The following ITSN1 variants were observed in gnomAD, a reference collection of about 807,000 sequenced individuals.
ITSN1 encodes intersectin 1.
ITSN1 carries 58 observed loss-of-function variants against 239.8 expected under a neutral mutation model. That is an observed-to-expected ratio of 0.24 (90% CI 0.20 to 0.30). ITSN1 has a LOEUF of 0.30. ITSN1 is among the 10% of genes least tolerant of loss of function. ITSN1 has a pLI of 1.00. For synonymous variants in ITSN1, 780 were observed against 770.8 expected (o/e 1.01, Z -0.20); for missense variants, 1,558 against 2,103.3 (o/e 0.74, Z 5.07).
chr21:33,692,603 T>C (rs932029044), intron 1 of ITSN1, among the ~76,000 whole-genome samples: 2 of 152,192 alleles, frequency 1.3e-5, no homozygotes, highest in Non-Finnish European at 2.9e-5. Context: ...CATTTCTAGT[T>C]TCTTTATACA....
chr21:33,726,854 T>G (rs957543139), intron 4 of ITSN1, among the ~76,000 whole-genome samples: 3 of 152,242 alleles, frequency 2.0e-5, no homozygotes, highest in Admixed American at 1.3e-4. Flanking sequence ...AATTGGAAAC[T>G]GTGTCTAGTT....
chr21:33,745,344 G>C (rs1045710082), intron 5 of ITSN1, among the ~76,000 whole-genome samples: 1 of 152,222 alleles, frequency 6.6e-6, no homozygotes, highest in Non-Finnish European at 1.5e-5. Flanking sequence ...AAAGGATGGA[G>C]AGGGGACTGT....
chr21:33,817,313 G>A lies in ITSN1; in HGVS notation c.2728-954G>A, dbSNP rs529590819. 39 of 1,304,388 alleles carry A rather than the reference G, an allele frequency of 3.0e-5. No homozygotes were observed. The South Asian group carries it at 4.7e-4, about 16-fold the overall frequency. The allele number at this position is 1,304,388 out of a possible 1,614,324, so 80.8% of individuals were successfully genotyped here. A position where few individuals can be genotyped will look rare whatever the true frequency, so the allele number is the denominator to read the frequency against. ...CTTCTCTTCCCGGACCCCCTGCAGT[G>A]TTCCACCTCGAGGCTTTTGCCCATG... On this transcript the variant is annotated intron_variant, in intron 22 of 39. Transcript: ENST00000381318.
At chr21:33,748,323 G>C (rs1329183360) in intron 5 of ITSN1, among the ~76,000 whole-genome samples, 1 of 152,072 alleles carries the variant, frequency 6.6e-6, no homozygotes, top group Non-Finnish European at 1.5e-5. Flanking sequence ...GGTGGTGCGT[G>C]TCTATAGTCC....
intron 5 of ITSN1, among the ~76,000 whole-genome samples, chr21:33,749,701 CAT>C (rs767521023): frequency 7.9e-5 from 12 of 151,666 alleles, no homozygotes; most frequent in South Asian, 2.1e-4. Flanking sequence ...CCCCATCAAA[CAT>C]GTGGTTTCCC....
intron 1 of ITSN1, among the ~76,000 whole-genome samples, chr21:33,710,473 T>C (rs895195971): frequency 6.6e-6 from 1 of 152,180 alleles, no homozygotes; most frequent in Non-Finnish European, 1.5e-5. Context: ...TCTGCTAATA[T>C]AGTATATTAC....
intron 14 of ITSN1, among the ~76,000 whole-genome samples, chr21:33,780,985 T>G (rs2070130159): frequency 1.3e-5 from 2 of 152,212 alleles, no homozygotes; most frequent in Non-Finnish European, 2.9e-5. Flanking sequence ...TTAAAAATCT[T>G]TGATTTCTGT....
intron 5 of ITSN1, among the ~76,000 whole-genome samples, chr21:33,745,185 C>T (rs577799851): frequency 6.6e-6 from 1 of 152,290 alleles, no homozygotes; most frequent in African/African-American, 2.4e-5. Context: ...TCAGCTTGAT[C>T]CATTCTTTGG....
chr21:33,659,928 C>T (rs1439930682), intron 1 of ITSN1, among the ~76,000 whole-genome samples: 1 of 151,914 alleles, frequency 6.6e-6, no homozygotes, highest in Non-Finnish European at 1.5e-5. Flanking sequence ...TCACTGGTCT[C>T]AAACTCCTAG....
chr21:33,662,501 G>A (rs914917823), intron 1 of ITSN1, among the ~76,000 whole-genome samples: 1 of 152,112 alleles, frequency 6.6e-6, no homozygotes, highest in African/African-American at 2.4e-5. Flanking sequence ...CTTTTTTGGG[G>A]TCTTCTGTTC....
At chr21:33,805,108 A>G (rs1189702750) in intron 20 of ITSN1, among the ~76,000 whole-genome samples, 2 of 152,248 alleles carry the variant, frequency 1.3e-5, no homozygotes, top group Non-Finnish European at 2.9e-5. Flanking sequence ...AGCCTTCAGA[A>G]GTCTGACCAG....
intron 5 of ITSN1, 50 bp downstream of exon 5, chr21:33,735,254 A>G: frequency 6.4e-7 from 1 of 1,565,560 alleles, no homozygotes; most frequent in Non-Finnish European, 8.8e-7. Flanking sequence ...TATTTTAAAA[A>G]TAAATGTTTT....
chr21:33,769,647 G>A (rs1882320822), intron 11 of ITSN1, among the ~76,000 whole-genome samples: 1 of 151,882 alleles, frequency 6.6e-6, no homozygotes. Flanking sequence ...GTTTGTGCAT[G>A]CAGAGGGAGA....
chr21:33,712,226 C>G (rs2092437778), intron 1 of ITSN1, among the ~76,000 whole-genome samples: 1 of 151,644 alleles, frequency 6.6e-6, no homozygotes, highest in Admixed American at 6.6e-5. Flanking sequence ...TTTCCTACTT[C>G]TTTGTATGTC....
rs1309804618 is a variant in ITSN1 at position 33,761,933 on chromosome 21, A to G, written c.735A>G (p.Ala245=). The stretch of plus-strand genomic sequence containing the variant: ...CTGGTTCCTGTTTAGGTCCCCAAGC[A>G]AGAACTATTCTTATGCAGTCAAGTT... ...TMSGHLTGPQ[A]RTILMQSSLP... The change falls in exon 9 of 40, where the codon GCA becomes GCG. Residue 245 remains alanine, a synonymous_variant. Transcript: ENST00000381318. 1.9e-6 allele frequency: 3 copies of G among 1,613,416 alleles called. No homozygotes were observed. The highest frequency in any genetic ancestry group is 2.2e-5 in the South Asian group (2 of 91,084).
In ITSN1 at chr21:33,797,856, A is replaced by G. The variant is rs2071683316; in HGVS notation, c.2182+248A>G. ...CCACGAGTCCTCTACGGAGCTAACA[A>G]GTGGCGTGAAGTTCCAGTGGTCTTA... On this transcript the variant is annotated intron_variant, in intron 18 of 39. Coordinates refer to ENST00000381318, the MANE Select transcript of ITSN1 (RefSeq NM_003024.3). This position sits in a 1 kb window ranked among gnomAD's most constrained non-coding sequence, Gnocchi z 4.9. 6.6e-6 allele frequency among the ~76,000 whole-genome samples: 1 copy of G among 152,016 alleles called. No homozygotes were observed. Among genetic ancestry groups the G allele is most frequent in the Non-Finnish European group, 1.5e-5 (1 of 68,002 alleles).
chr21:33,766,452 G>GTC (rs1020228056), intron 10 of ITSN1, among the ~76,000 whole-genome samples: 2 of 152,218 alleles, frequency 1.3e-5, no homozygotes, highest in African/African-American at 4.8e-5. Flanking sequence ...CTGAAAGACA[G>GTC]TCTCAGTAAA....
At chr21:33,683,194 T>A (rs1008247304) in intron 1 of ITSN1, among the ~76,000 whole-genome samples, 1 of 152,132 alleles carries the variant, frequency 6.6e-6, no homozygotes, top group African/African-American at 2.4e-5. Flanking sequence ...CTGACTTTTT[T>A]TTTTTTCCTC....
intron 29 of ITSN1, among the ~76,000 whole-genome samples, chr21:33,846,287 G>T (rs572467206): frequency 7.2e-5 from 11 of 152,052 alleles, no homozygotes; most frequent in African/African-American, 2.4e-4. Context: ...TCCCGATTTC[G>T]CTGCCACCTC....
Sources: allele counts gnomAD v4.1 joint callset (sites outside exome capture counted in the v4.1 genomes callset), GRCh38; gene constraint gnomAD v4.1.1; non-coding constraint Gnocchi (gnomAD v3.1); transcripts MANE v1.5; gene names NCBI Gene and HGNC (gene_info 2026-07-23, HGNC 2026-07-21).